The following CUL4A variants were observed in gnomAD, a reference collection of about 807,000 sequenced individuals.
CUL4A encodes the protein cullin 4A.
In CUL4A, 16 loss-of-function variants were observed where a neutral mutation model predicts 95.5. That is an observed-to-expected ratio of 0.17 (90% CI 0.11 to 0.25). CUL4A has a LOEUF of 0.25. CUL4A is among the 10% of genes least tolerant of loss of function. CUL4A has a pLI of 1.00. For missense variants in CUL4A, 610 were observed against 937.0 expected (o/e 0.65, Z 4.56); for synonymous variants, 380 against 353.1 (o/e 1.08, Z -0.85).
At position 113,219,026 on chromosome 13, in the gene CUL4A, G is replaced by A; in HGVS notation, c.346G>A (p.Ala116Thr). ...TCAGGCCTGTGAAGACCACGTCCAG[G>A]CACAGATCCTTCCGTTTAGAGAATA... ...LRQACEDHVQ[A>T]QILPFREDSL... The change falls in exon 3 of 20, where the codon GCA (alanine) becomes ACA (threonine). Residue 116 changes from alanine (A) to threonine (T), a missense_variant. Coordinates refer to ENST00000375440, the MANE Select transcript of CUL4A (RefSeq NM_001008895.4). The A allele has an allele frequency of 6.2e-7, 1 of 1,609,700 alleles. No individual in the cohort carries two copies. Among genetic ancestry groups the A allele is most frequent in the Admixed American group, 1.7e-5 (1 of 59,018 alleles).
intron 9 of CUL4A, among the ~76,000 whole-genome samples, chr13:113,238,289 A>T (rs1213482993): frequency 6.6e-6 from 1 of 152,076 alleles, no homozygotes; most frequent in Non-Finnish European, 1.5e-5. Flanking sequence ...AAAAAATAAA[A>T]ATAAAATTTT....
chr13:113,244,671 C>G (rs545838405), intron 12 of CUL4A, among the ~76,000 whole-genome samples, 157 bp downstream of exon 12: 1 of 152,288 alleles, frequency 6.6e-6, no homozygotes, highest in South Asian at 2.1e-4. Context: ...GAAACCCCGT[C>G]TCTACTAAAA....
chr13:113,245,386 A>G, intron 14 of CUL4A, 149 bp downstream of exon 14: 1 of 716,152 alleles, frequency 1.4e-6, no homozygotes, highest in Non-Finnish European at 2.3e-6. Flanking sequence ...ACATAGCAAG[A>G]CCCAGTCTCT....
chr13:113,213,601 C>CATTA (rs1321384611), intron 2 of CUL4A, among the ~76,000 whole-genome samples: 12 of 152,266 alleles, frequency 7.9e-5, no homozygotes, highest in Middle Eastern at 6.8e-3. Flanking sequence ...TCTGCTGCCT[C>CATTA]ATTATTTTTA....
intron 16 of CUL4A, 99 bp from the exon 17 acceptor site, chr13:113,254,594 C>CAAA: frequency 6.2e-6 from 4 of 641,326 alleles, no homozygotes; most frequent in Non-Finnish European, 7.4e-6. Flanking sequence ...GACTCCTTCT[C>CAAA]AAAAAAAAAA....
Position 113,209,711 on chromosome 13 carries a change from C to T in CUL4A, c.84C>T (p.Ala28=). ...GCCTCACCAAGCCCGCGGCCCTGGCCGCCGCGCCCGCCAAGCCGGGGGGCG... is the reference window on the plus strand; with the variant it reads ...GCCTCACCAAGCCCGCGGCCCTGGCTGCCGCGCCCGCCAAGCCGGGGGGCG... ...TNGLTKPAAL[A]AAPAKPGGAG... The change falls in exon 1 of 20, where the codon GCC becomes GCT. Residue 28 remains alanine (A), a synonymous_variant. Coordinates refer to ENST00000375440, the MANE Select transcript of CUL4A (RefSeq NM_001008895.4). 1.7e-6 allele frequency: 2 copies of T among 1,157,810 alleles called. No homozygotes were observed. The highest frequency in any genetic ancestry group is 2.1e-6 in the Non-Finnish European group (2 of 940,966). The allele number at this position is 1,157,810 out of a possible 1,614,324, so 71.7% of individuals were successfully genotyped here.
chr13:113,209,372 C>T (rs2139043995), upstream of CUL4A, among the ~76,000 whole-genome samples: 1 of 146,296 alleles, frequency 6.8e-6, no homozygotes, highest in East Asian at 2.1e-4. Flanking sequence ...ACGGGAGTCC[C>T]GGCGCGCGCC....
At chr13:113,261,208 G>A (rs533669929) in intron 19 of CUL4A, among the ~76,000 whole-genome samples, 6 of 152,278 alleles carry the variant, frequency 3.9e-5, no homozygotes, top group African/African-American at 1.2e-4. Flanking sequence ...GTCAACCCGC[G>A]TTGTTTTCAG....
intron 18 of CUL4A, among the ~76,000 whole-genome samples, chr13:113,260,215 A>AAAAC (rs1429599210): frequency 7.4e-6 from 1 of 135,410 alleles, no homozygotes; most frequent in African/African-American, 2.6e-5. Context: ...AAAAAAAAAA[A>AAAAC]AAAACCATTT....
upstream of CUL4A, chr13:113,208,805 AG>A: frequency 4.2e-6 from 6 of 1,412,658 alleles, no homozygotes; most frequent in Non-Finnish European, 5.5e-6. Context: ...GCTCGGGCTG[AG>A]GGGGCCCGGG....
chr13:113,254,203 G>A (rs547722178), intron 16 of CUL4A, among the ~76,000 whole-genome samples: 1 of 152,128 alleles, frequency 6.6e-6, no homozygotes, highest in Non-Finnish European at 1.5e-5. Context: ...TGCCTCTCGT[G>A]GGTCTGACCT....
chr13:113,253,538 A>G (rs1355869651), intron 16 of CUL4A, among the ~76,000 whole-genome samples: 1 of 152,164 alleles, frequency 6.6e-6, no homozygotes, highest in African/African-American at 2.4e-5. Flanking sequence ...CCACTTTTTG[A>G]CTAAGAGATT....
intron 10 of CUL4A, among the ~76,000 whole-genome samples, chr13:113,241,194 A>T (rs192101090): frequency 6.6e-6 from 1 of 152,300 alleles, no homozygotes; most frequent in East Asian, 1.9e-4. Flanking sequence ...TGCCAGTGAG[A>T]CAGTCTTCAG....
intron 2 of CUL4A, among the ~76,000 whole-genome samples, chr13:113,216,134 A>G (rs1482635954): frequency 8.6e-4 from 94 of 109,178 alleles, no homozygotes; most frequent in Middle Eastern, 7.7e-3. Context: ...TGGAGGTCTC[A>G]TCTGTGTGGC....
intron 9 of CUL4A, among the ~76,000 whole-genome samples, chr13:113,238,313 A>G (rs977995907): frequency 1.3e-5 from 2 of 151,998 alleles, no homozygotes; most frequent in Non-Finnish European, 2.9e-5. Flanking sequence ...TTAAAGCCAC[A>G]GGTGGTGCAT....
At position 113,255,138 on chromosome 13, in the gene CUL4A, T is replaced by C. The variant is rs773691491; in HGVS notation, c.2031+13T>C. 7.6e-6 allele frequency: 12 copies of C among 1,584,834 alleles called. No individual in the cohort carries two copies. In the East Asian group the frequency reaches 2.7e-4, roughly 36 times the overall value. The stretch of plus-strand genomic sequence containing the variant: ...GATGAAGGAAACTGTATGTATAAAC[T>C]TTCTCTTTTTACTTATAGGGGGTTT... On this transcript the variant is annotated intron_variant, in intron 18 of 19. Transcript: ENST00000375440.
chr13:113,210,139 G>C, intron 2 of CUL4A, 51 bp downstream of exon 2: 1 of 1,292,234 alleles, frequency 7.7e-7, no homozygotes, highest in Non-Finnish European at 1.0e-6. Context: ...GCGTGACGCA[G>C]ACGCGGCCGG....
At position 113,255,068 on chromosome 13, in the gene CUL4A, A is replaced by G; in HGVS notation, c.1974A>G (p.Gly658=). ...ATGGAGACAAGTTCATTTTTAATGG[A>G]GAGTTCAAGCACAAGTTGTTTAGAA... ...VEDGDKFIFN[G]EFKHKLFRIK... The change falls in exon 18 of 20, where the codon GGA becomes GGG. Residue 658 remains glycine (G), a synonymous_variant. Transcript: ENST00000375440. The G allele has an allele frequency of 6.2e-7, 1 of 1,614,154 alleles. No individual in the cohort carries two copies. The highest frequency in any genetic ancestry group is 8.5e-7 in the Non-Finnish European group (1 of 1,179,964).
chr13:113,249,914 G>A lies in CUL4A; in HGVS notation c.1639-3168G>A, dbSNP rs370327456. On this transcript the variant is annotated intron_variant, in intron 15 of 19. Transcript: ENST00000375440. ...CTTCTTTGGAGAAATGTCTGTTCACGTGCTTTGCCTAGTTTTTAACCGGGC... is the reference window on the plus strand; with the variant it reads ...CTTCTTTGGAGAAATGTCTGTTCACATGCTTTGCCTAGTTTTTAACCGGGC... Among the ~76,000 whole-genome samples the A allele has an allele frequency of 5.3e-5, 8 of 152,240 alleles. 1 individual carries two copies. The highest frequency in any genetic ancestry group is 1.2e-4 in the African/African-American group (5 of 41,534).
Sources: gnomAD v4.1 joint callset for allele counts (sites outside exome capture counted in the v4.1 genomes callset) on GRCh38, gnomAD v4.1.1 for gene constraint, MANE v1.5 for transcripts, NCBI Gene and HGNC (gene_info 2026-07-23, HGNC 2026-07-21) for gene names.